C10orf67: variants seen among roughly 807,000 people sequenced by gnomAD.
C10orf67 encodes uncharacterized protein C10orf67, mitochondrial.
A neutral mutation model predicts 35.6 loss-of-function variants in C10orf67; 60 were observed. The ratio of observed to expected loss-of-function variants is 1.68; its 90% CI spans 1.37 to 2.09. The LOEUF (loss-of-function observed/expected upper bound fraction) is 2.09, where lower values mean the gene tolerates loss of function less well. C10orf67 is among the 30% of genes most tolerant of loss of function. The pLI is 0.00. For missense variants in C10orf67, 474 were observed against 330.2 expected (o/e 1.44, Z -3.38); for synonymous variants, 167 against 115.8 (o/e 1.44, Z -2.84).
intron 5 of C10orf67, 22 bp from the exon 6 acceptor site, chr10:23,291,301 A>T: frequency 1.4e-6 from 1 of 708,570 alleles, no homozygotes; most frequent in Admixed American, 2.1e-5. Context: ...AGAATGCCAT[A>T]TTCCTAAGCA....
At chr10:23,276,096 G>A (rs1843179845) in intron 8 of C10orf67, among the ~76,000 whole-genome samples, 1 of 152,156 alleles carries the variant, frequency 6.6e-6, no homozygotes, top group South Asian at 2.1e-4. Context: ...GGTTTCTCAG[G>A]ATGTAGGGCT....
At chr10:23,286,016 G>A (rs1843515033) in intron 7 of C10orf67, among the ~76,000 whole-genome samples, 1 of 152,052 alleles carries the variant, frequency 6.6e-6, no homozygotes, top group African/African-American at 2.4e-5. Context: ...ATTTGTTATT[G>A]TACTCCTTAT....
At chr10:23,340,350 A>C (rs1391418525) in intron 1 of C10orf67, among the ~76,000 whole-genome samples, 5 of 380 alleles carry the variant, frequency 0.013, no homozygotes, top group East Asian at 0.089. Context: ...ACAAAAATAC[A>C]AAAAAAAAAA....
At chr10:23,312,689 G>T (rs1232913705) in intron 4 of C10orf67, among the ~76,000 whole-genome samples, 1 of 152,142 alleles carries the variant, frequency 6.6e-6, no homozygotes, top group Non-Finnish European at 1.5e-5. Context: ...TATCTGTGAT[G>T]ATTAATTTTA....
intron 8 of C10orf67, among the ~76,000 whole-genome samples, chr10:23,281,294 A>G (rs1186338410): frequency 6.6e-6 from 1 of 152,262 alleles, no homozygotes; most frequent in Non-Finnish European, 1.5e-5. Flanking sequence ...GCTGTAAAAA[A>G]GCGAATGTTT....
rs1268664255 is a variant in C10orf67 at position 23,223,637 on chromosome 10, C to T, written c.1531G>A (p.Val511Ile). The T allele has an allele frequency of 7.0e-6, 5 of 717,460 alleles. No homozygotes were observed. Among genetic ancestry groups the T allele is most frequent in the South Asian group, 4.4e-5 (3 of 67,596 alleles). The allele number at this position is 717,460 out of a possible 1,614,324, so 44.4% of individuals were successfully genotyped here. Residue 511 changes from valine to isoleucine, a missense_variant, in exon 15 of 16, where the codon GTA becomes ATA. Physicochemically the swap from Val to Ile is conservative, Grantham distance 29. Coordinates refer to ENST00000636213, the MANE Select transcript of C10orf67 (RefSeq NM_001371909.1). ...TSSIDGKHVDVVSDQAALQLS... is the reference protein window; with the variant it reads ...TSSIDGKHVDIVSDQAALQLS... ...TGAAGGGCTGCCTGATCACTGACTACATCCACATGCTTACCGTCTATCTGT... is the reference window on the plus strand; with the variant it reads ...TGAAGGGCTGCCTGATCACTGACTATATCCACATGCTTACCGTCTATCTGT...
intron 4 of C10orf67, among the ~76,000 whole-genome samples, chr10:23,313,972 C>T (rs10828426): frequency 0.39 from 59,933 of 151,864 alleles, 15,022 homozygotes; most frequent in East Asian, 0.74. Context: ...AGGTGAGCAA[C>T]GCTGACTATC....
chr10:23,316,815 C>T (rs1844728912), intron 4 of C10orf67: 1 of 152,394 alleles, frequency 6.6e-6, no homozygotes, highest in Non-Finnish European at 1.5e-5. Context: ...GGCAGGTCAT[C>T]CCCACTTCTG....
chr10:23,223,584 A>G lies in C10orf67; in HGVS notation c.1570+14T>C, dbSNP rs746490741. 2 of 717,260 alleles carry G rather than the reference A, an allele frequency of 2.8e-6. No individual in the cohort carries two copies. The highest frequency in any genetic ancestry group is 1.5e-5 in the South Asian group (1 of 67,586). 44.4% of individuals were successfully genotyped at this position (717,260 alleles called of 1,614,324 possible). A position where few individuals can be genotyped will look rare whatever the true frequency, so the allele number is the denominator to read the frequency against. On this transcript the variant is annotated intron_variant, in intron 15 of 15. Coordinates refer to ENST00000636213, the MANE Select transcript of C10orf67 (RefSeq NM_001371909.1). ...TCTGGTGTGAACCTCATTTCCAACA[A>G]TAATGATTCTTACCTTTTGGTGAAA...
At chr10:23,333,390 C>G (rs1306261155) in intron 1 of C10orf67, among the ~76,000 whole-genome samples, 1 of 152,082 alleles carries the variant, frequency 6.6e-6, no homozygotes, top group Non-Finnish European at 1.5e-5. Flanking sequence ...GCATATTGCT[C>G]TATGGTTAGT....
intron 5 of C10orf67, among the ~76,000 whole-genome samples, chr10:23,295,058 T>C (rs531122056): frequency 5.7e-4 from 87 of 152,312 alleles, no homozygotes; most frequent in African/African-American, 2.1e-3. Context: ...AGCAGAGCAG[T>C]CAGGAGGGGA....
rs577879708 is a variant in C10orf67, at chr10:23,224,413, C to T, written c.1435-595G>A. Among the ~76,000 whole-genome samples the T allele has an allele frequency of 2.9e-4, 44 of 152,244 alleles. 1 individual carries two copies. Among genetic ancestry groups the T allele is most frequent in the South Asian group, 8.3e-4 (4 of 4,820 alleles). ...CATCAAAGACCAAAGGTAGATAAAA[C>T]GACAAGGATGGGGAAAAAACAGAGC... On this transcript the variant is annotated intron_variant, in intron 13 of 15. Coordinates refer to ENST00000636213, the MANE Select transcript of C10orf67 (RefSeq NM_001371909.1).
At chr10:23,242,301 T>A (rs1842204968) in intron 12 of C10orf67, among the ~76,000 whole-genome samples, 1 of 152,076 alleles carries the variant, frequency 6.6e-6, no homozygotes, top group African/African-American at 2.4e-5. Flanking sequence ...AAAAAATAAC[T>A]GCCAAGATAG....
chr10:23,229,950 T>C (rs1841861280), intron 13 of C10orf67, among the ~76,000 whole-genome samples: 1 of 152,134 alleles, frequency 6.6e-6, no homozygotes, highest in South Asian at 2.1e-4. Flanking sequence ...CAATTAAATT[T>C]GTTTTGTTTT....
chr10:23,212,827 T>C (rs923157934), intron 15 of C10orf67, among the ~76,000 whole-genome samples: 3 of 104,534 alleles, frequency 2.9e-5, no homozygotes, highest in Non-Finnish European at 6.5e-5. Context: ...GAGAGAGACG[T>C]AAGCATGCAA....
At chr10:23,211,349 T>A (rs945353476) in intron 15 of C10orf67, among the ~76,000 whole-genome samples, 1 of 152,148 alleles carries the variant, frequency 6.6e-6, no homozygotes, top group Non-Finnish European at 1.5e-5. Context: ...TTGAATTGAG[T>A]CCACCTGGAA....
intron 4 of C10orf67, chr10:23,319,010 A>G (rs1844844717): frequency 1.4e-6 from 1 of 711,206 alleles, no homozygotes; most frequent in Non-Finnish European, 2.6e-6. Context: ...TTTCTTTCCA[A>G]TTTTTGTTTT....
At chr10:23,308,630 T>A (rs1844378302) in intron 4 of C10orf67, among the ~76,000 whole-genome samples, 1 of 152,160 alleles carries the variant, frequency 6.6e-6, no homozygotes, top group South Asian at 2.1e-4. Context: ...CTTTTGCTTG[T>A]CATTCTAGCA....
chr10:23,261,565 G>A (rs1045614024), intron 10 of C10orf67, among the ~76,000 whole-genome samples: 1 of 152,138 alleles, frequency 6.6e-6, no homozygotes, highest in African/African-American at 2.4e-5. Flanking sequence ...TCCTGCCTCC[G>A]CCTCTCAAAG....
Sources: allele counts gnomAD v4.1 joint callset (sites outside exome capture counted in the v4.1 genomes callset), GRCh38; gene constraint gnomAD v4.1.1; transcripts MANE v1.5; gene names NCBI Gene and HGNC (gene_info 2026-07-23, HGNC 2026-07-21).